Variants in SBF2 observed in about 807,000 individuals in gnomAD.
SBF2 encodes myotubularin-related protein 13.
A neutral mutation model predicts 225.2 loss-of-function variants in SBF2; 112 were observed. That is an observed-to-expected ratio of 0.50 (90% CI 0.43 to 0.58). The LOEUF is 0.58. SBF2 is among the 20% of genes least tolerant of loss of function. The pLI is 0.00. For missense variants in SBF2, 1,996 were observed against 2,206.2 expected, an observed-to-expected ratio of 0.90 and a Z score of 1.91; for synonymous variants, 763 against 773.3, an observed-to-expected ratio of 0.99 and a Z score of 0.22.
At chr11:10,129,596 T>C (rs942743049) in intron 2 of SBF2, among the ~76,000 whole-genome samples, 1 of 152,200 alleles carries the variant, frequency 6.6e-6, no homozygotes, top group Non-Finnish European at 1.5e-5. Context: ...TAACTTCTAA[T>C]AGGGTTTGTA....
At chr11:9,806,742 G>A (rs1853874148) in intron 32 of SBF2, among the ~76,000 whole-genome samples, 1 of 152,178 alleles carries the variant, frequency 6.6e-6, no homozygotes. Context: ...CTTCCTGTGT[G>A]TGGGGTGAAA....
intron 16 of SBF2, among the ~76,000 whole-genome samples, chr11:9,909,475 T>C (rs1160345477): frequency 5.9e-5 from 9 of 151,922 alleles, no homozygotes; most frequent in African/African-American, 9.7e-5. Context: ...ATCGAGACCA[T>C]CCTGGCTAAC....
chr11:9,849,643 G>C lies in SBF2; in HGVS notation c.2806+380C>G, dbSNP rs1856786309. 2.0e-5 allele frequency among the ~76,000 whole-genome samples: 3 copies of C among 152,184 alleles called. No individual in the cohort carries two copies. The South Asian group carries it at 6.2e-4, about 31-fold the overall frequency. ...TAGTTAGCATATCCTTCCACAAAAAGGTTCAAGTATCTGCAAGACCTTAGT... is the reference window on the plus strand; with the variant it reads ...TAGTTAGCATATCCTTCCACAAAAACGTTCAAGTATCTGCAAGACCTTAGT... On this transcript the variant is annotated intron_variant, in intron 22 of 39. Coordinates refer to ENST00000256190, the MANE Select transcript of SBF2 (RefSeq NM_030962.4).
At position 10,155,313 on chromosome 11, in the gene SBF2, T is replaced by C. The variant is rs182359406; in HGVS notation, c.141+38589A>G. On this transcript the variant is annotated intron_variant, in intron 2 of 39. Coordinates refer to ENST00000256190, the MANE Select transcript of SBF2 (RefSeq NM_030962.4). ...AAGAGAAATATAAATTTCATGTTTT[T>C]AATTTGTTCAAAATTTTAAAACATT... Among the ~76,000 whole-genome samples the C allele has an allele frequency of 6.0e-3, 914 of 152,348 alleles. 14 individuals carry two copies. Among genetic ancestry groups the C allele is most frequent in the African/African-American group, 0.02 (831 of 41,584 alleles).
At chr11:9,864,041 T>C (rs1162220264) in intron 17 of SBF2, among the ~76,000 whole-genome samples, 1 of 152,222 alleles carries the variant, frequency 6.6e-6, no homozygotes, top group Non-Finnish European at 1.5e-5. Flanking sequence ...AACTGGCTTA[T>C]GTAAACATAC....
chr11:9,996,402 T>C (rs1042598922), intron 9 of SBF2, among the ~76,000 whole-genome samples: 1 of 152,204 alleles, frequency 6.6e-6, no homozygotes, highest in Non-Finnish European at 1.5e-5. Context: ...GTTTATTTTG[T>C]TTTTTGAGAT....
chr11:10,269,549 G>A (rs931006363), intron 1 of SBF2, among the ~76,000 whole-genome samples: 2 of 152,100 alleles, frequency 1.3e-5, no homozygotes, highest in Admixed American at 6.5e-5. Flanking sequence ...TGAAAATGTG[G>A]CACTATTATT....
intron 2 of SBF2, among the ~76,000 whole-genome samples, chr11:10,156,819 T>C (rs946754917): frequency 2.0e-5 from 3 of 152,230 alleles, no homozygotes; most frequent in Admixed American, 6.5e-5. Context: ...GAACAATCAA[T>C]ATTGTTAAAA....
At chr11:10,113,078 C>T (rs1459109406) in intron 2 of SBF2, among the ~76,000 whole-genome samples, 2 of 152,060 alleles carry the variant, frequency 1.3e-5, no homozygotes, top group Non-Finnish European at 1.5e-5. Context: ...ACTGCAACCT[C>T]CACCTCCTGG....
At chr11:10,025,691 C>T (rs1565147301) in intron 6 of SBF2, among the ~76,000 whole-genome samples, 1 of 152,098 alleles carries the variant, frequency 6.6e-6, no homozygotes, top group African/African-American at 2.4e-5. Context: ...CCTCCTCCTC[C>T]CGGGTTCAAG....
intron 1 of SBF2, among the ~76,000 whole-genome samples, chr11:10,257,799 C>T (rs1961001743): frequency 6.6e-6 from 1 of 151,406 alleles, no homozygotes; most frequent in South Asian, 2.1e-4. Flanking sequence ...GAATACGAGA[C>T]CAACCTGGGC....
At chr11:10,127,697 G>A (rs1329134656) in intron 2 of SBF2, among the ~76,000 whole-genome samples, 2 of 152,096 alleles carry the variant, frequency 1.3e-5, no homozygotes, top group African/African-American at 2.4e-5. Flanking sequence ...TTTATCTACT[G>A]GAATAAGACC....
chr11:9,856,362 C>G, intron 19 of SBF2, 96 bp downstream of exon 19: 1 of 1,463,120 alleles, frequency 6.8e-7, no homozygotes, highest in East Asian at 2.3e-5. Flanking sequence ...GAAATATGTA[C>G]AGCAGTATTT....
chr11:10,294,830 G>A (rs570416333), upstream of SBF2, among the ~76,000 whole-genome samples: 1 of 152,216 alleles, frequency 6.6e-6, no homozygotes, highest in Non-Finnish European at 1.5e-5. Context: ...CGGCATCCCC[G>A]GGATCCTCCC....
At chr11:10,095,959 C>A (rs944509453) in intron 2 of SBF2, among the ~76,000 whole-genome samples, 3 of 152,128 alleles carry the variant, frequency 2.0e-5, no homozygotes, top group African/African-American at 7.2e-5. Context: ...TTTCAACCTG[C>A]CATTGCTTAG....
intron 1 of SBF2, among the ~76,000 whole-genome samples, chr11:10,211,988 C>T (rs1285506405): frequency 2.6e-5 from 4 of 152,210 alleles, no homozygotes; most frequent in Non-Finnish European, 5.9e-5. Flanking sequence ...ATGTATCTAT[C>T]TTCTGCATAG....
chr11:9,961,824 A>G, intron 16 of SBF2, 133 bp downstream of exon 16: 1 of 676,096 alleles, frequency 1.5e-6, no homozygotes, highest in South Asian at 2.3e-5. Context: ...GACAGAAATG[A>G]TAGAGATACT....
intron 6 of SBF2, among the ~76,000 whole-genome samples, chr11:10,027,984 A>C (rs888976250): frequency 8.5e-5 from 13 of 152,162 alleles, no homozygotes; most frequent in African/African-American, 3.1e-4. Flanking sequence ...ATCATAGCTC[A>C]TTGCAGTCTT....
intron 2 of SBF2, among the ~76,000 whole-genome samples, chr11:10,156,228 G>T (rs1250417631): frequency 2.0e-5 from 3 of 152,216 alleles, no homozygotes; most frequent in African/African-American, 2.4e-5. Flanking sequence ...GTGCACTCAG[G>T]GTGGTGCTGA....
Sources: gnomAD v4.1 joint callset for allele counts (sites outside exome capture counted in the v4.1 genomes callset) on GRCh38, gnomAD v4.1.1 for gene constraint, MANE v1.5 for transcripts, NCBI Gene and HGNC (gene_info 2026-07-23, HGNC 2026-07-21) for gene names.